Variants in PARPBP observed in about 807,000 individuals in gnomAD.
PARPBP encodes PCNA-interacting partner.
PARPBP carries 52 observed loss-of-function variants against 50.0 expected under a neutral mutation model. The ratio of observed to expected loss-of-function variants is 1.04; its 90% CI spans 0.83 to 1.31. The LOEUF (loss-of-function observed/expected upper bound fraction) is 1.31. PARPBP is among the 50% of genes most tolerant of loss of function. The pLI is 0.00. For synonymous variants in PARPBP, 244 were observed against 232.1 expected, an observed-to-expected ratio of 1.05 and a Z score of -0.47; for missense variants, 697 against 672.0, an observed-to-expected ratio of 1.04 and a Z score of -0.41.
chr12:102,130,500 G>T (rs1292910092), intron 2 of PARPBP, among the ~76,000 whole-genome samples: 1 of 151,956 alleles, frequency 6.6e-6, no homozygotes, highest in Admixed American at 6.6e-5. Context: ...TCTGACAAAG[G>T]TCTGATATCT....
At chr12:102,165,927 T>C (rs771984612) in intron 6 of PARPBP, 44 bp downstream of exon 6, 3 of 1,280,828 alleles carry the variant, frequency 2.3e-6, no homozygotes, top group Admixed American at 2.1e-5. Flanking sequence ...TAATCTATCT[T>C]TAAAACTTTA....
chr12:102,155,097 C>T, intron 4 of PARPBP: 1 of 249,870 alleles, frequency 4.0e-6, no homozygotes, highest in Non-Finnish European at 8.0e-6. Context: ...CCCACCTTTC[C>T]AGGCTGAACC....
At chr12:102,127,819 T>C (rs1320016217) in intron 2 of PARPBP, among the ~76,000 whole-genome samples, 1 of 152,214 alleles carries the variant, frequency 6.6e-6, no homozygotes, top group African/African-American at 2.4e-5. Flanking sequence ...AGGGAGTCAG[T>C]TGGCTTGGGT....
chr12:102,136,107 C>T (rs1883591254), intron 2 of PARPBP, among the ~76,000 whole-genome samples: 5 of 152,296 alleles, frequency 3.3e-5, no homozygotes, highest in Admixed American at 2.6e-4. Context: ...CTGACCTTCC[C>T]GTTCATATTC....
chr12:102,188,849 CA>C (rs1301859441), intron 9 of PARPBP, among the ~76,000 whole-genome samples: 1 of 151,426 alleles, frequency 6.6e-6, no homozygotes, highest in African/African-American at 2.4e-5. Context: ...TGACATAGAA[CA>C]AAAAAGATAA....
intron 1 of PARPBP, among the ~76,000 whole-genome samples, chr12:102,123,658 T>C (rs1881504232): frequency 6.6e-6 from 1 of 152,162 alleles, no homozygotes; most frequent in Non-Finnish European, 1.5e-5. Context: ...GGCTACATTT[T>C]GTTCTTTCAG....
intron 2 of PARPBP, among the ~76,000 whole-genome samples, chr12:102,137,093 A>T (rs1883752926): frequency 6.6e-6 from 1 of 152,020 alleles, no homozygotes; most frequent in Non-Finnish European, 1.5e-5. Flanking sequence ...TAGCTGGACT[A>T]CAGGCACCCA....
chr12:102,162,714 G>A (rs11111186), intron 4 of PARPBP, among the ~76,000 whole-genome samples: 6 of 151,790 alleles, frequency 4.0e-5, no homozygotes, highest in African/African-American at 4.8e-5. Flanking sequence ...CCTAGCTACC[G>A]GGGAAGCTGA....
chr12:102,151,588 C>T, intron 3 of PARPBP: 2 of 1,535,542 alleles, frequency 1.3e-6, no homozygotes, highest in South Asian at 1.2e-5. Flanking sequence ...TATACAGCCA[C>T]CTTCAGAAAG....
chr12:102,122,542 G>C (rs376420676), intron 1 of PARPBP, among the ~76,000 whole-genome samples: 2 of 152,202 alleles, frequency 1.3e-5, no homozygotes, highest in Admixed American at 6.5e-5. Flanking sequence ...AGTATGTTGA[G>C]ACTTGAGTAC....
intron 4 of PARPBP, among the ~76,000 whole-genome samples, chr12:102,160,617 G>A (rs775412749): frequency 5.3e-5 from 8 of 152,186 alleles, no homozygotes; most frequent in Non-Finnish European, 1.2e-4. Context: ...TAGAAGTATT[G>A]TGATTTACTG....
At chr12:102,152,315 C>T (rs1368212565) in intron 3 of PARPBP, among the ~76,000 whole-genome samples, 2 of 151,832 alleles carry the variant, frequency 1.3e-5, no homozygotes, top group Non-Finnish European at 2.9e-5. Flanking sequence ...TCTCAAACTG[C>T]AGGATGGGTG....
At chr12:102,122,607 T>C (rs1881326962) in intron 1 of PARPBP, among the ~76,000 whole-genome samples, 1 of 152,148 alleles carries the variant, frequency 6.6e-6, no homozygotes, top group African/African-American at 2.4e-5. Context: ...GAGAAAGGAA[T>C]TGGATGCCTT....
At chr12:102,152,837 A>G (rs1392915183) in intron 3 of PARPBP, among the ~76,000 whole-genome samples, 1 of 147,956 alleles carries the variant, frequency 6.8e-6, no homozygotes, top group African/African-American at 2.7e-5. Context: ...AGTTTCTTGA[A>G]AATTAAGCAC....
At chr12:102,181,345 T>G (rs932924840) in intron 8 of PARPBP, among the ~76,000 whole-genome samples, 25 of 152,196 alleles carry the variant, frequency 1.6e-4, no homozygotes, top group African/African-American at 6.0e-4. Flanking sequence ...CAGTTATGCA[T>G]TGTTTAATGA....
intron 2 of PARPBP, among the ~76,000 whole-genome samples, chr12:102,136,995 C>A (rs1451493159): frequency 2.0e-5 from 3 of 152,016 alleles, no homozygotes; most frequent in Non-Finnish European, 2.9e-5. Flanking sequence ...CACTCTGTCA[C>A]CCAGGCTGGA....
At chr12:102,126,861 T>G (rs1279630290) in intron 2 of PARPBP, among the ~76,000 whole-genome samples, 1 of 152,220 alleles carries the variant, frequency 6.6e-6, no homozygotes, top group African/African-American at 2.4e-5. Flanking sequence ...TTTCAAGATC[T>G]TTTCAGGTAG....
intron 9 of PARPBP, among the ~76,000 whole-genome samples, chr12:102,188,935 A>G (rs910044460): frequency 7.9e-5 from 12 of 152,296 alleles, no homozygotes; most frequent in Middle Eastern, 3.4e-3. Context: ...GACCAGACAC[A>G]GCATTAGGTA....
Position 102,150,071 on chromosome 12 carries a change from G to T in PARPBP, c.387+1608G>T, listed in dbSNP as rs373827637. Among the ~76,000 whole-genome samples, 125 of 152,136 alleles carry T rather than the reference G, an allele frequency of 8.2e-4. 1 individual carries two copies. In the Middle Eastern group the frequency reaches 0.014, roughly 17 times the overall value. ...CTAATAAGTTTCCTCATTTGAGTGG[G>T]TTAAGTTATAGTATGATATATATCA... On this transcript the variant is annotated intron_variant, in intron 3 of 10. Coordinates refer to ENST00000327680, the MANE Select transcript of PARPBP (RefSeq NM_017915.5).
Sources: allele counts gnomAD v4.1 joint callset (sites outside exome capture counted in the v4.1 genomes callset), GRCh38; gene constraint gnomAD v4.1.1; transcripts MANE v1.5; gene names NCBI Gene and HGNC (gene_info 2026-07-23, HGNC 2026-07-21).